CNTRL: variants seen among roughly 807,000 people sequenced by gnomAD.
The protein encoded by CNTRL is 110 kDa centrosomal protein.
In CNTRL, 233 loss-of-function variants were observed where a neutral mutation model predicts 303.7. The ratio of observed to expected loss-of-function variants is 0.77; its 90% confidence interval spans 0.69 to 0.86. The LOEUF is 0.86. Among genes scored for constraint, CNTRL ranks in the 40% least tolerant of loss-of-function variants. The probability of loss-of-function intolerance (pLI) is 0.00; values close to 1 mark genes in which losing one functional copy is unlikely to be tolerated. For synonymous variants in CNTRL, 900 were observed against 922.2 expected, an observed-to-expected ratio of 0.98 and a Z score of 0.44; for missense variants, 2,524 against 2,650.6, an observed-to-expected ratio of 0.95 and a Z score of 1.05.
chr9:121,093,395 T>A (rs959085875), intron 4 of CNTRL, among the ~76,000 whole-genome samples: 2 of 152,202 alleles, frequency 1.3e-5, no homozygotes, highest in South Asian at 4.1e-4. Flanking sequence ...AAAATGCTCA[T>A]TTGAGCATTT....
chr9:121,145,604 C>G (rs1310341559), intron 22 of CNTRL, among the ~76,000 whole-genome samples: 1 of 152,084 alleles, frequency 6.6e-6, no homozygotes, highest in Admixed American at 6.5e-5. Context: ...ATAAGAGTTT[C>G]GTATTTGTGG....
intron 15 of CNTRL, among the ~76,000 whole-genome samples, chr9:121,138,131 C>T (rs2051296515): frequency 6.6e-6 from 1 of 152,128 alleles, no homozygotes; most frequent in Non-Finnish European, 1.5e-5. Context: ...AATCTCTTTT[C>T]TGAGATAGAG....
intron 39 of CNTRL, 64 bp downstream of exon 39, chr9:121,169,880 AC>A: frequency 7.8e-7 from 1 of 1,281,666 alleles, no homozygotes; most frequent in Non-Finnish European, 1.1e-6. Flanking sequence ...AAACTGCAAC[AC>A]CACTTCAACA....
At chr9:121,144,796 C>A in intron 20 of CNTRL, 47 bp from the exon 21 acceptor site, 4 of 1,384,456 alleles carry the variant, frequency 2.9e-6, no homozygotes, top group Non-Finnish European at 4.1e-6. Flanking sequence ...ATGAAGAAGA[C>A]AACCTGTGAT....
intron 27 of CNTRL, 55 bp downstream of exon 27, chr9:121,154,968 G>C: frequency 7.0e-7 from 1 of 1,428,914 alleles, no homozygotes; most frequent in Non-Finnish European, 9.9e-7. Context: ...TCAGCTTACT[G>C]TCCACCTGAA....
chr9:121,104,913 G>C (rs889866964), intron 7 of CNTRL, among the ~76,000 whole-genome samples: 1 of 151,806 alleles, frequency 6.6e-6, no homozygotes, highest in Non-Finnish European at 1.5e-5. Context: ...TTTCTCTTAC[G>C]GGGTCAGGCT....
chr9:121,152,777 A>C (rs1588279417), intron 26 of CNTRL, 84 bp downstream of exon 26: 1 of 1,086,080 alleles, frequency 9.2e-7, no homozygotes, highest in East Asian at 2.6e-5. Flanking sequence ...TAATCTTGGA[A>C]TGTTCTTGAT....
chr9:121,141,643 T>C, intron 18 of CNTRL, 55 bp downstream of exon 18: 1 of 1,440,194 alleles, frequency 6.9e-7, no homozygotes, highest in Non-Finnish European at 9.7e-7. Context: ...TATTAATGTT[T>C]TTCAGCAAAT....
chr9:121,075,007 G>A lies in CNTRL; in HGVS notation c.-265G>A, dbSNP rs952938734. The A allele has an allele frequency of 4.4e-6, 2 of 454,834 alleles. No individual in the cohort carries two copies. Among genetic ancestry groups the A allele is most frequent in the Admixed American group, 2.4e-5 (1 of 42,510 alleles). 28.2% of individuals were successfully genotyped at this position (454,834 alleles called of 1,614,324 possible). A position where few individuals can be genotyped will look rare whatever the true frequency, so the allele number is the denominator to read the frequency against. Reference sequence around the variant, plus strand: ...CCGCGCCGCTGGGCCCCTGAGGAAAGAGCCCGAACTTCTCCCGCTCTACCT... The same window carrying A: ...CCGCGCCGCTGGGCCCCTGAGGAAAAAGCCCGAACTTCTCCCGCTCTACCT... On this transcript the variant is annotated 5_prime_UTR_variant, in exon 1 of 44. Coordinates refer to ENST00000373855, the MANE Select transcript of CNTRL (RefSeq NM_007018.6).
intron 7 of CNTRL, among the ~76,000 whole-genome samples, chr9:121,098,829 C>CAA (rs66692307): frequency 0.52 from 73,450 of 142,238 alleles, 20,163 homozygotes; most frequent in South Asian, 0.8. Context: ...AGAAGACAGA[C>CAA]AAAAAAAAAA....
chr9:121,106,317 C>T (rs755825938), intron 7 of CNTRL, among the ~76,000 whole-genome samples: 12 of 131,636 alleles, frequency 9.1e-5, no homozygotes, highest in Non-Finnish European at 1.4e-4. Flanking sequence ...TCAGCCTGGG[C>T]GACAGAGCGA....
At chr9:121,151,324 C>G (rs965256078) in intron 25 of CNTRL, among the ~76,000 whole-genome samples, 1 of 149,102 alleles carries the variant, frequency 6.7e-6, no homozygotes, top group African/African-American at 2.5e-5. Context: ...ATCTCTTAGG[C>G]TAGATTCTAA....
chr9:121,164,824 G>A, intron 34 of CNTRL, 119 bp from the exon 35 acceptor site: 2 of 679,608 alleles, frequency 2.9e-6, no homozygotes, highest in Non-Finnish European at 4.3e-6. Flanking sequence ...TAAATTTTGT[G>A]AAGATTTATA....
chr9:121,117,856 A>C (rs1187770208), intron 11 of CNTRL, among the ~76,000 whole-genome samples: 1 of 151,906 alleles, frequency 6.6e-6, no homozygotes, highest in Admixed American at 6.6e-5. Context: ...GTGGGCGCCT[A>C]TAGTCCCAGC....
chr9:121,176,490 CGAG>C (rs1451513837), intron 43 of CNTRL, among the ~76,000 whole-genome samples: 4 of 152,050 alleles, frequency 2.6e-5, no homozygotes, highest in East Asian at 1.9e-4. Context: ...GGGCAGGGTT[CGAG>C]GAGGAGTGTG....
At position 121,153,294 on chromosome 9, in the gene CNTRL, C is replaced by T. The variant is rs555952966; in HGVS notation, c.4172+601C>T. Among the ~76,000 whole-genome samples, 6 of 152,296 alleles carry T rather than the reference C, an allele frequency of 3.9e-5. No homozygotes were observed. The South Asian group carries it at 1.0e-3, about 26-fold the overall frequency. Reference sequence around the variant, plus strand: ...TGATTCTCAGTCCCATCAGAATATACACGACCCTTCTCCATCTGAAATCCA... The same window carrying T: ...TGATTCTCAGTCCCATCAGAATATATACGACCCTTCTCCATCTGAAATCCA... On this transcript the variant is annotated intron_variant, in intron 26 of 43. Transcript: ENST00000373855.
At chr9:121,141,685 A>G (rs541066680) in intron 18 of CNTRL, 97 bp downstream of exon 18, 100 of 1,135,856 alleles carry the variant, frequency 8.8e-5, no homozygotes, top group Middle Eastern at 7.9e-4. Context: ...TAAATACAAC[A>G]TAATTGTTGT....
chr9:121,133,019 C>G (rs1240790721), intron 14 of CNTRL, among the ~76,000 whole-genome samples: 5 of 152,142 alleles, frequency 3.3e-5, no homozygotes, highest in Non-Finnish European at 4.4e-5. Flanking sequence ...AGCTTCTTCC[C>G]AGAGGGGCAC....
intron 12 of CNTRL, among the ~76,000 whole-genome samples, chr9:121,121,265 A>G (rs1466307032): frequency 6.6e-6 from 1 of 152,196 alleles, no homozygotes; most frequent in African/African-American, 2.4e-5. Context: ...AACTTTTATT[A>G]ACATCTATCC....
Sources: gnomAD v4.1 joint callset for allele counts (sites outside exome capture counted in the v4.1 genomes callset) on GRCh38, gnomAD v4.1.1 for gene constraint, MANE v1.5 for transcripts, NCBI Gene and HGNC (gene_info 2026-07-23, HGNC 2026-07-21) for gene names.